CBFA2T3: variants seen among roughly 807,000 people sequenced by gnomAD.
CBFA2T3 encodes transcriptional corepressor CBFA2T3.
In CBFA2T3, 31 loss-of-function variants were observed where a neutral mutation model predicts 58.6. The ratio of observed to expected loss-of-function variants is 0.53; its 90% CI spans 0.40 to 0.71. The LOEUF (loss-of-function observed/expected upper bound fraction) is 0.71, where lower values mean the gene tolerates loss of function less well. CBFA2T3 is among the 30% of genes least tolerant of loss of function. The probability of loss-of-function intolerance (pLI) is 0.00; values close to 1 mark genes in which losing one functional copy is unlikely to be tolerated. For missense variants in CBFA2T3, 1,076 were observed against 963.1 expected (o/e 1.12, Z -1.55); for synonymous variants, 531 against 421.9 (o/e 1.26, Z -3.17).
intron 1 of CBFA2T3, among the ~76,000 whole-genome samples, chr16:88,908,291 G>A (rs186588532): frequency 3.6e-4 from 55 of 151,136 alleles, no homozygotes; most frequent in Admixed American, 3.2e-3. Context: ...GCCATGAGCC[G>A]AATTCGTGCC....
rs1424594760 is a variant in CBFA2T3, at chr16:88,954,523, C to G, written c.151+22134G>C. On this transcript the variant is annotated intron_variant, in intron 1 of 11. Coordinates refer to ENST00000268679, the MANE Select transcript of CBFA2T3 (RefSeq NM_005187.6). Reference sequence around the variant, plus strand: ...AAGGCTCCTGACCTCAGCCAAGGCTCCTGACTCCACCCAAGGCTCCTGACC... The same window carrying G: ...AAGGCTCCTGACCTCAGCCAAGGCTGCTGACTCCACCCAAGGCTCCTGACC... Among the ~76,000 whole-genome samples the G allele has an allele frequency of 2.4e-5, 3 of 122,974 alleles. 1 individual carries two copies. Among genetic ancestry groups the G allele is most frequent in the African/African-American group, 1.1e-4 (3 of 27,182 alleles). The allele number at this position is 122,974 out of a possible 152,430, so 80.7% of individuals were successfully genotyped here.
intron 5 of CBFA2T3, among the ~76,000 whole-genome samples, chr16:88,888,591 G>T (rs1454968607): frequency 3.0e-5 from 2 of 66,306 alleles, no homozygotes; most frequent in South Asian, 1.1e-3. Context: ...GGTGGGGTGG[G>T]GTGGGGTGGG....
At chr16:88,965,830 G>A (rs956549442) in intron 1 of CBFA2T3, among the ~76,000 whole-genome samples, 2 of 152,196 alleles carry the variant, frequency 1.3e-5, no homozygotes, top group East Asian at 1.9e-4. Context: ...AACTTGGCTT[G>A]TCAAAAAAAA....
chr16:88,920,586 G>A (rs920721618), intron 1 of CBFA2T3, among the ~76,000 whole-genome samples: 1 of 152,180 alleles, frequency 6.6e-6, no homozygotes. Flanking sequence ...CCCCTGGCCA[G>A]GAATATTTCA....
At chr16:88,917,799 C>T (rs1409070605) in intron 1 of CBFA2T3, among the ~76,000 whole-genome samples, 1 of 152,120 alleles carries the variant, frequency 6.6e-6, no homozygotes, top group African/African-American at 2.4e-5. Flanking sequence ...ACGTATGACA[C>T]ACACATGCAG....
chr16:88,957,007 A>G (rs979792999), intron 1 of CBFA2T3, among the ~76,000 whole-genome samples: 1 of 142,494 alleles, frequency 7.0e-6, no homozygotes, highest in Non-Finnish European at 1.5e-5. Context: ...GCTGAACCAC[A>G]GAATGAGTGG....
At chr16:88,924,502 G>C (rs1382656993) in intron 1 of CBFA2T3, among the ~76,000 whole-genome samples, 1 of 152,154 alleles carries the variant, frequency 6.6e-6, no homozygotes, top group Non-Finnish European at 1.5e-5. Context: ...ACACAGGCCA[G>C]GGGGAGAAGA....
chr16:88,926,390 G>C (rs1162927766), intron 1 of CBFA2T3, among the ~76,000 whole-genome samples: 1 of 152,104 alleles, frequency 6.6e-6, no homozygotes, highest in Non-Finnish European at 1.5e-5. Context: ...GCTATGGGCT[G>C]GGGGGCGTCT....
chr16:88,973,005 C>A (rs1972692691), intron 1 of CBFA2T3, among the ~76,000 whole-genome samples: 1 of 152,228 alleles, frequency 6.6e-6, no homozygotes, highest in South Asian at 2.1e-4. Flanking sequence ...CTGGCTGGAG[C>A]CCACAGACAC....
At chr16:88,972,998 G>C (rs1972692248) in intron 1 of CBFA2T3, among the ~76,000 whole-genome samples, 1 of 152,196 alleles carries the variant, frequency 6.6e-6, no homozygotes, top group African/African-American at 2.4e-5. Flanking sequence ...CCTGCCTCTG[G>C]CTGGAGCCCA....
intron 3 of CBFA2T3, among the ~76,000 whole-genome samples, chr16:88,897,281 G>A (rs755733690): frequency 2.6e-5 from 4 of 152,248 alleles, no homozygotes; most frequent in Non-Finnish European, 5.9e-5. Context: ...GGACAGCCCT[G>A]TGCAACAGAA....
chr16:88,943,494 C>T (rs1423288793), intron 1 of CBFA2T3, among the ~76,000 whole-genome samples: 2 of 152,228 alleles, frequency 1.3e-5, no homozygotes, highest in African/African-American at 2.4e-5. Context: ...CGCAGCCCCT[C>T]CTCCCTACTC....
chr16:88,963,710 T>C (rs4782494), intron 1 of CBFA2T3, among the ~76,000 whole-genome samples: 23,314 of 152,264 alleles, frequency 0.15, 2,043 homozygotes, highest in Middle Eastern at 0.26. Flanking sequence ...CAGGAATAGA[T>C]TTTAGCGGCG....
At chr16:88,921,002 C>T (rs1970897066) in intron 1 of CBFA2T3, among the ~76,000 whole-genome samples, 1 of 152,244 alleles carries the variant, frequency 6.6e-6, no homozygotes, top group Non-Finnish European at 1.5e-5. Flanking sequence ...AAACAGGCTG[C>T]TCTGGAGGCA....
chr16:88,880,742 A>G lies in CBFA2T3; in HGVS notation c.1449T>C (p.Pro483=), dbSNP rs2142532992. 6.3e-7 allele frequency: 1 copy of G among 1,575,516 alleles called. No individual in the cohort carries two copies. The highest frequency in any genetic ancestry group is 8.6e-7 in the Non-Finnish European group (1 of 1,160,042). ...FLPRTLTGYV[P]EDIWRKAEEA... is the part of the protein sequence containing the mutation. ...CACCAGCCTTCCTCCAGATGTCCTC[A>G]GGCACGTAGCCGGTGAGGGTCCTCG... is the stretch of plus-strand genomic sequence containing the variant. Residue 483 remains proline (P), a synonymous_variant, in exon 10 of 12, where the codon CCT becomes CCC. Transcript: ENST00000268679.
chr16:88,905,993 C>G (rs1436920407), intron 1 of CBFA2T3, among the ~76,000 whole-genome samples: 1 of 151,266 alleles, frequency 6.6e-6, no homozygotes, highest in African/African-American at 2.4e-5. Flanking sequence ...CTGGCTTCCT[C>G]GGGCAAGCCA....
intron 3 of CBFA2T3, 50 bp downstream of exon 3, chr16:88,898,028 C>T: frequency 7.4e-7 from 1 of 1,352,344 alleles, no homozygotes; most frequent in Non-Finnish European, 1.1e-6. Context: ...GCTGAGGATG[C>T]TGCGGTGAAG....
At chr16:88,929,961 G>T (rs113370847) in intron 1 of CBFA2T3, among the ~76,000 whole-genome samples, 1 of 144,964 alleles carries the variant, frequency 6.9e-6, no homozygotes, top group Non-Finnish European at 1.5e-5. Flanking sequence ...CCACGTAAAA[G>T]CTACCAATAC....
chr16:88,878,819 G>A (rs488663), intron 11 of CBFA2T3, among the ~76,000 whole-genome samples: 1,800 of 152,314 alleles, frequency 0.012, 38 homozygotes, highest in African/African-American at 0.041. Context: ...GGTGGCGGGC[G>A]CCTGTAATCC....
Sources: gnomAD v4.1 joint callset for allele counts (sites outside exome capture counted in the v4.1 genomes callset) on GRCh38, gnomAD v4.1.1 for gene constraint, MANE v1.5 for transcripts, NCBI Gene and HGNC (gene_info 2026-07-23, HGNC 2026-07-21) for gene names.